Variants in CHD1L observed in about 807,000 individuals in gnomAD.
The protein encoded by CHD1L is chromodomain helicase DNA binding protein 1 like, also known as ATP-dependent chromatin remodeler CHD1L.
A neutral mutation model predicts 115.9 loss-of-function variants in CHD1L; 118 were observed. The ratio of observed to expected loss-of-function variants is 1.02; its 90% CI spans 0.88 to 1.19. The LOEUF (loss-of-function observed/expected upper bound fraction) is 1.19. CHD1L is among the 50% of genes most tolerant of loss of function. The pLI, the probability that CHD1L is intolerant of heterozygous loss-of-function variation, is 0.00. For missense variants in CHD1L, 1,179 were observed against 1,065.3 expected (o/e 1.11, Z -1.49); for synonymous variants, 411 against 387.1 (o/e 1.06, Z -0.72).
the CHD1L span, among the ~76,000 whole-genome samples, chr1:147,191,457 T>C: frequency 6.6e-6 from 1 of 152,184 alleles, no homozygotes; most frequent in Non-Finnish European, 1.5e-5. Flanking sequence ...TTTTTTCATG[T>C]ATTTTTTGGC....
At chr1:147,268,143 G>T (rs1339387788) in intron 9 of CHD1L, among the ~76,000 whole-genome samples, 1 of 152,112 alleles carries the variant, frequency 6.6e-6, no homozygotes, top group Non-Finnish European at 1.5e-5. Flanking sequence ...CTCCTTTGTT[G>T]CTTCCCCTTC....
chr1:147,178,465 C>G, the CHD1L span: 1 of 1,611,386 alleles, frequency 6.2e-7, no homozygotes, highest in Non-Finnish European at 8.5e-7. Flanking sequence ...TTATGATGGA[C>G]CTAGGACTGC....
chr1:147,234,258 G>A, the CHD1L span, among the ~76,000 whole-genome samples: 1 of 152,148 alleles, frequency 6.6e-6, no homozygotes, highest in Non-Finnish European at 1.5e-5. Flanking sequence ...ATGGCCCCCT[G>A]CTCCCACTTT....
At chr1:147,248,270 C>T (rs1485513476) in intron 1 of CHD1L, among the ~76,000 whole-genome samples, 3 of 151,866 alleles carry the variant, frequency 2.0e-5, no homozygotes, top group East Asian at 3.9e-4. Flanking sequence ...TGCAATGGCA[C>T]GATCTCAGCT....
chr1:147,251,203 TTGGTGTTTCCAGTTGGC>T (rs1214848908), intron 1 of CHD1L, among the ~76,000 whole-genome samples: 1 of 152,206 alleles, frequency 6.6e-6, no homozygotes, highest in Non-Finnish European at 1.5e-5. Flanking sequence ...TCTACATCAG[TTGGTGTTTCCAGTTGGC>T]TGATTTCTTG....
chr1:147,247,398 TCTTA>T (rs782088238), intron 1 of CHD1L, among the ~76,000 whole-genome samples: 6 of 152,154 alleles, frequency 3.9e-5, no homozygotes, highest in East Asian at 1.9e-4. Flanking sequence ...GTGACTGACT[TCTTA>T]CTTACTAGCT....
At chr1:147,274,264 A>T (rs1235706395) in intron 12 of CHD1L, among the ~76,000 whole-genome samples, 1 of 152,202 alleles carries the variant, frequency 6.6e-6, no homozygotes, top group Non-Finnish European at 1.5e-5. Flanking sequence ...GAGTTAATAT[A>T]GAGAGAGTGC....
At chr1:147,255,133 A>G (rs1180342954) in intron 3 of CHD1L, among the ~76,000 whole-genome samples, 157 bp downstream of exon 3, 4 of 152,238 alleles carry the variant, frequency 2.6e-5, no homozygotes, top group Non-Finnish European at 4.4e-5. Context: ...CACTGAGGAT[A>G]TAATAGGGGA....
chr1:147,288,202 G>T (rs1026456108), intron 19 of CHD1L, among the ~76,000 whole-genome samples: 2 of 151,600 alleles, frequency 1.3e-5, no homozygotes, highest in Non-Finnish European at 2.9e-5. Context: ...GTGCATGCCC[G>T]TAGTTCCAGC....
the CHD1L span, among the ~76,000 whole-genome samples, chr1:147,230,947 CA>C: frequency 2.0e-5 from 3 of 149,574 alleles, no homozygotes; most frequent in South Asian, 2.1e-4. Flanking sequence ...TTTATCTTTT[CA>C]AAAAAAAAGC....
chr1:147,178,743 T>A, the CHD1L span: 11 of 1,592,124 alleles, frequency 6.9e-6, no homozygotes, highest in South Asian at 1.2e-4. Flanking sequence ...GTCCTTCACA[T>A]CTCACTAACA....
the CHD1L span, chr1:147,178,733 G>A: frequency 0.031 from 49,608 of 1,585,858 alleles, 1,152 homozygotes; most frequent in South Asian, 0.09. Flanking sequence ...ATCTTATTTC[G>A]TCCTTCACAT....
At position 147,284,240 on chromosome 1, in the gene CHD1L, C is replaced by G. The variant is rs1682128214; in HGVS notation, c.1706-111C>G. On this transcript the variant is annotated intron_variant, in intron 15 of 22. Coordinates refer to ENST00000369258, the MANE Select transcript of CHD1L (RefSeq NM_004284.6). Reference sequence around the variant, plus strand: ...ATACCTTCCTTCATATGGACTTAGCCCATTTAGAATATAGGCTGTTCTCCT... The same window carrying G: ...ATACCTTCCTTCATATGGACTTAGCGCATTTAGAATATAGGCTGTTCTCCT... 3.6e-6 allele frequency: 3 copies of G among 822,598 alleles called. No homozygotes were observed. The East Asian group carries it at 8.2e-5, about 22-fold the overall frequency. The allele number at this position is 822,598 out of a possible 1,614,324, so 51.0% of individuals were successfully genotyped here.
At chr1:147,208,672 CAG>C in the CHD1L span, 2 of 510,770 alleles carry the variant, frequency 3.9e-6, no homozygotes, top group Non-Finnish European at 7.2e-6. Flanking sequence ...CTCCTGAGCT[CAG>C]GTGATCCACC....
At chr1:147,251,644 C>T (rs1448495360) in intron 1 of CHD1L, among the ~76,000 whole-genome samples, 3 of 152,058 alleles carry the variant, frequency 2.0e-5, no homozygotes, top group Non-Finnish European at 4.4e-5. Context: ...TTCCCCCTGC[C>T]TCAGCCTCCC....
chr1:147,228,785 T>C, the CHD1L span, among the ~76,000 whole-genome samples: 84 of 152,324 alleles, frequency 5.5e-4, no homozygotes, highest in African/African-American at 1.9e-3. Context: ...TTTTCATGTG[T>C]TTTTGGCTGC....
At chr1:147,187,092 T>G in the CHD1L span, 1 of 1,614,078 alleles carries the variant, frequency 6.2e-7, no homozygotes. Flanking sequence ...GATAGTGGAT[T>G]GGAGTGCAGG....
the CHD1L span, chr1:147,204,930 C>CT: frequency 6.4e-7 from 1 of 1,554,716 alleles, no homozygotes; most frequent in East Asian, 2.2e-5. Flanking sequence ...CTTGAAGCGC[C>CT]ATGGCCAGCC....
At chr1:147,285,143 G>A (rs1038663369) in intron 16 of CHD1L, among the ~76,000 whole-genome samples, 181 bp from the exon 17 acceptor site, 1 of 152,248 alleles carries the variant, frequency 6.6e-6, no homozygotes, top group Non-Finnish European at 1.5e-5. Context: ...TGCCTGTGAA[G>A]TGTGTAGTAT....
Sources: allele counts gnomAD v4.1 joint callset (sites outside exome capture counted in the v4.1 genomes callset), GRCh38; gene constraint gnomAD v4.1.1; transcripts MANE v1.5; gene names NCBI Gene and HGNC (gene_info 2026-07-23, HGNC 2026-07-21).